Variants in ZNF529 observed in about 807,000 individuals in gnomAD.
ZNF529 encodes zinc finger protein 529.
Under a neutral mutation model 10.1 loss-of-function variants are expected in ZNF529, and 11 were observed. That is an observed-to-expected ratio of 1.09 (90% CI 0.69 to 1.81). The LOEUF (loss-of-function observed/expected upper bound fraction) is 1.81. Among genes scored for constraint, ZNF529 ranks in the 40% most tolerant of loss-of-function variants. The pLI, the probability that ZNF529 is intolerant of heterozygous loss-of-function variation, is 0.00. For synonymous variants in ZNF529, 204 were observed against 215.7 expected (o/e 0.95, Z 0.47); for missense variants, 624 against 666.8 (o/e 0.94, Z 0.71).
intron 1 of ZNF529, among the ~76,000 whole-genome samples, chr19:36,602,192 C>T (rs2145297984): frequency 6.6e-6 from 1 of 152,130 alleles, no homozygotes; most frequent in Non-Finnish European, 1.5e-5. Flanking sequence ...GGATTACAGG[C>T]ATATGCCACC....
At position 36,572,215 on chromosome 19, in the gene ZNF529, AG is replaced by A. The variant is rs1053229785; in HGVS notation, c.14+117del. 1.1e-5 allele frequency: 11 copies of A among 1,040,858 alleles called. No individual in the cohort carries two copies. In the African/African-American group the frequency reaches 1.8e-4, roughly 17 times the overall value. 64.5% of individuals were successfully genotyped at this position (1,040,858 alleles called of 1,614,324 possible). A position where few individuals can be genotyped will look rare whatever the true frequency, so the allele number is the denominator to read the frequency against. On this transcript the variant is annotated intron_variant, in intron 2 of 4. Transcript: ENST00000591340. ...AATGCATATGTGAATATTCAATGAA[AG>A]GGAAATGGGCATTTGGAAAGGCAAT...
rs930207991 is a variant in ZNF529, at chr19:36,554,830, T to C, written c.109-34A>G. ...ACAAACCCGTACATTACAGGTAAAA[T>C]TTAAGGAAATATTTTTGAGAAAAAG... On this transcript the variant is annotated intron_variant, in intron 3 of 4. Coordinates refer to ENST00000591340, the MANE Select transcript of ZNF529 (RefSeq NM_020951.5). 5.9e-5 allele frequency: 88 copies of C among 1,480,144 alleles called. 1 individual carries two copies. Among genetic ancestry groups the C allele is most frequent in the Non-Finnish European group, 7.3e-5 (81 of 1,108,796 alleles). 91.7% of individuals were successfully genotyped at this position (1,480,144 alleles called of 1,614,324 possible).
chr19:36,547,811 A>T lies in ZNF529; in HGVS notation c.747T>A (p.His249Gln), dbSNP rs774331540. The T allele has an allele frequency of 1.2e-6, 2 of 1,609,444 alleles. No individual in the cohort carries two copies. Among genetic ancestry groups the T allele is most frequent in the East Asian group, 4.5e-5 (2 of 44,840 alleles). ...CCTTACATTTATAGAACTTCTCATTATGAATTTTCTGGTATACATTAAAGT... is the reference window on the plus strand; with the variant it reads ...CCTTACATTTATAGAACTTCTCATTTTGAATTTTCTGGTATACATTAAAGT... ...YKDFNVYQKI[H>Q]NEKFYKCKEY... Residue 249 changes from histidine to glutamine, a missense_variant, in exon 5 of 5, where the codon CAT (histidine) becomes CAA (glutamine). By Grantham distance (24) the His-to-Gln change is conservative (BLOSUM62 0). Transcript: ENST00000591340.
intron 2 of ZNF529, among the ~76,000 whole-genome samples, chr19:36,568,598 T>G (rs537360382): frequency 6.6e-6 from 1 of 152,032 alleles, no homozygotes; most frequent in Admixed American, 6.6e-5. Flanking sequence ...CAGCCTCCTG[T>G]GCAGCTGGGA....
At chr19:36,572,225 G>A (rs1416642914) in intron 2 of ZNF529, 108 bp downstream of exon 2, 6 of 1,126,502 alleles carry the variant, frequency 5.3e-6, no homozygotes, top group East Asian at 2.6e-5. Context: ...AGGGAAATGG[G>A]CATTTGGAAA....
chr19:36,549,255 G>C (rs1169611741), intron 4 of ZNF529, among the ~76,000 whole-genome samples: 1 of 151,768 alleles, frequency 6.6e-6, no homozygotes, highest in Non-Finnish European at 1.5e-5. Context: ...ATTTTTTTCA[G>C]TTGTGTATTC....
chr19:36,603,480 A>T (rs1405654955), intron 1 of ZNF529, among the ~76,000 whole-genome samples: 1 of 152,218 alleles, frequency 6.6e-6, no homozygotes, highest in Non-Finnish European at 1.5e-5. Context: ...CATCCTGAAA[A>T]ACAAAAATGC....
At position 36,546,040 on chromosome 19, in the gene ZNF529, ATATAT is replaced by A. The variant is rs1295750114; in HGVS notation, c.*821_*825del. On this transcript the variant is annotated 3_prime_UTR_variant, in exon 5 of 5. Coordinates refer to ENST00000591340, the MANE Select transcript of ZNF529 (RefSeq NM_020951.5). Reference sequence around the variant, plus strand: ...TATATAGTGTATATACTATATATACATATATTGTGTGTGTGTGTGTGTATATATAT... The same window carrying A: ...TATATAGTGTATATACTATATATACATGTGTGTGTGTGTGTGTATATATAT... The A allele has an allele frequency of 4.2e-5, 5 of 119,140 alleles. No individual in the cohort carries two copies. Among genetic ancestry groups the A allele is most frequent in the African/African-American group, 1.6e-4 (5 of 31,566 alleles). The allele number at this position is 119,140 out of a possible 1,614,324, so 7.4% of individuals were successfully genotyped here.
At chr19:36,585,045 G>A (rs2036550263) in intron 2 of ZNF529, among the ~76,000 whole-genome samples, 1 of 152,064 alleles carries the variant, frequency 6.6e-6, no homozygotes, top group Non-Finnish European at 1.5e-5. Flanking sequence ...TGAGCTAAGG[G>A]GAGGCCTGGT....
chr19:36,587,729 A>C (rs768073267), intron 2 of ZNF529, among the ~76,000 whole-genome samples: 6 of 152,200 alleles, frequency 3.9e-5, no homozygotes, highest in Non-Finnish European at 5.9e-5. Context: ...CCTTCAAAAC[A>C]TTATGGTAAG....
At chr19:36,550,553 AAAG>A (rs1233896782) in intron 4 of ZNF529, among the ~76,000 whole-genome samples, 3 of 152,170 alleles carry the variant, frequency 2.0e-5, no homozygotes, top group Non-Finnish European at 2.9e-5. Flanking sequence ...CTTAAAAAAA[AAAG>A]AAGCTCACTA....
At chr19:36,599,561 G>A (rs1426072786) in intron 1 of ZNF529, among the ~76,000 whole-genome samples, 1 of 151,950 alleles carries the variant, frequency 6.6e-6, no homozygotes, top group Non-Finnish European at 1.5e-5. Context: ...ATATCTACAA[G>A]GAAAAATTGA....
rs540038818 is a variant in ZNF529, at chr19:36,591,546, C to T, written c.-127-1845G>A. Among the ~76,000 whole-genome samples, 28 of 151,270 alleles carry T rather than the reference C, an allele frequency of 1.9e-4. 1 individual carries two copies. The South Asian group carries it at 3.4e-3, about 18-fold the overall frequency. On this transcript the variant is annotated intron_variant, in intron 1 of 4. Transcript: ENST00000585960. ...CATCCTGGCTAACATGGTGAAACCC[C>T]GTCTCTACTAAGAAATACAAAAAAA... is the stretch of plus-strand genomic sequence containing the variant.
At chr19:36,571,692 G>T (rs1238472959) in intron 2 of ZNF529, among the ~76,000 whole-genome samples, 1 of 133,732 alleles carries the variant, frequency 7.5e-6, no homozygotes, top group Non-Finnish European at 1.6e-5. Context: ...AAAAAAAAAA[G>T]TGTCTAATGG....
rs1183179423 is a variant in ZNF529 at position 36,544,324 on chromosome 19, A to G, written c.*2542T>C. On this transcript the variant is annotated 3_prime_UTR_variant, in exon 5 of 5. Coordinates refer to ENST00000591340, the MANE Select transcript of ZNF529 (RefSeq NM_020951.5). ...AACAAGGAAAACATAATAAGGACAC[A>G]TTTTATTCATTAATTTATTATTTGT... 2.0e-5 allele frequency: 3 copies of G among 152,214 alleles called. No homozygotes were observed. Among genetic ancestry groups the G allele is most frequent in the African/African-American group, 7.2e-5 (3 of 41,456 alleles). 9.4% of individuals were successfully genotyped at this position (152,214 alleles called of 1,614,324 possible). A position where few individuals can be genotyped will look rare whatever the true frequency, so the allele number is the denominator to read the frequency against.
chr19:36,550,318 G>A (rs966465258), intron 4 of ZNF529, among the ~76,000 whole-genome samples: 2 of 152,122 alleles, frequency 1.3e-5, no homozygotes, highest in East Asian at 1.9e-4. Context: ...CAAGGTGTGC[G>A]GATCACTTGA....
At chr19:36,601,227 C>T (rs2036918456) in intron 1 of ZNF529, among the ~76,000 whole-genome samples, 2 of 151,212 alleles carry the variant, frequency 1.3e-5, no homozygotes, top group Admixed American at 1.3e-4. Context: ...CTCAGCCTCC[C>T]TGAGTAGCTG....
upstream of ZNF529, chr19:36,577,242 G>A (rs1194248624): frequency 2.2e-6 from 1 of 446,064 alleles, no homozygotes; most frequent in Non-Finnish European, 4.5e-6. Flanking sequence ...TTACAGGTGT[G>A]AACCACCGTG....
At chr19:36,591,247 C>G (rs1326653127) in intron 1 of ZNF529, among the ~76,000 whole-genome samples, 1 of 141,138 alleles carries the variant, frequency 7.1e-6, no homozygotes, top group Non-Finnish European at 1.5e-5. Context: ...TGCAGTGAGC[C>G]AAGATTGCAC....
Sources: allele counts gnomAD v4.1 joint callset (sites outside exome capture counted in the v4.1 genomes callset), GRCh38; gene constraint gnomAD v4.1.1; transcripts MANE v1.5; gene names NCBI Gene and HGNC (gene_info 2026-07-23, HGNC 2026-07-21).